TMEM135: variants seen among roughly 807,000 people sequenced by gnomAD.
The protein encoded by TMEM135 is transmembrane protein 135, also known as peroxisomal membrane protein 52.
Under a neutral mutation model 60.3 loss-of-function variants are expected in TMEM135, and 30 were observed. The observed-to-expected ratio is 0.50, with a 90% confidence interval of 0.37 to 0.68. The LOEUF (loss-of-function observed/expected upper bound fraction) is 0.68. TMEM135 is among the 30% of genes least tolerant of loss of function. The pLI is 0.00. For missense variants in TMEM135, 468 were observed against 548.8 expected (o/e 0.85, Z 1.47); for synonymous variants, 190 against 186.7 (o/e 1.02, Z -0.14).
At chr11:87,140,842 G>A (rs1412818638) in intron 4 of TMEM135, among the ~76,000 whole-genome samples, 2 of 152,008 alleles carry the variant, frequency 1.3e-5, no homozygotes, top group African/African-American at 2.4e-5. Context: ...ATATATTTCC[G>A]TTTGGAAATT....
chr11:87,122,150 G>C (rs1937608666), intron 4 of TMEM135, among the ~76,000 whole-genome samples: 2 of 152,048 alleles, frequency 1.3e-5, no homozygotes, highest in South Asian at 4.1e-4. Flanking sequence ...ATCTCTGCTA[G>C]ATATTTTCTG....
chr11:87,319,192 G>T, intron 13 of TMEM135, 118 bp from the exon 14 acceptor site: 1 of 855,132 alleles, frequency 1.2e-6, no homozygotes, highest in Non-Finnish European at 2.0e-6. Context: ...TTATTTGAAG[G>T]CATATTTACA....
chr11:87,214,328 C>A (rs144948083), intron 5 of TMEM135, among the ~76,000 whole-genome samples: 240 of 152,232 alleles, frequency 1.6e-3, no homozygotes, highest in African/African-American at 5.7e-3. Context: ...GCAAAGCAGC[C>A]TTTTTTCAAA....
At chr11:87,071,957 C>T (rs1051418800) in intron 3 of TMEM135, among the ~76,000 whole-genome samples, 6 of 152,024 alleles carry the variant, frequency 3.9e-5, no homozygotes, top group South Asian at 2.1e-4. Context: ...GAGGCTGAGG[C>T]GGGTGGCTCA....
intron 5 of TMEM135, among the ~76,000 whole-genome samples, chr11:87,177,864 A>G (rs935411827): frequency 6.6e-6 from 1 of 152,178 alleles, no homozygotes; most frequent in Non-Finnish European, 1.5e-5. Flanking sequence ...GAGATTCCCA[A>G]ATGTATAGGT....
At chr11:87,126,903 C>G (rs1227636304) in intron 4 of TMEM135, among the ~76,000 whole-genome samples, 2 of 151,856 alleles carry the variant, frequency 1.3e-5, no homozygotes, top group African/African-American at 4.8e-5. Flanking sequence ...TAAACTAGTA[C>G]AGGAAATGGT....
chr11:87,116,760 G>A (rs1283743234), intron 4 of TMEM135, among the ~76,000 whole-genome samples: 1 of 151,598 alleles, frequency 6.6e-6, no homozygotes, highest in Middle Eastern at 3.2e-3. Context: ...ATTATTTTTT[G>A]CTTTTCCAGT....
chr11:87,139,629 G>A (rs1938208862), intron 4 of TMEM135, among the ~76,000 whole-genome samples: 1 of 152,154 alleles, frequency 6.6e-6, no homozygotes, highest in African/African-American at 2.4e-5. Context: ...CTGACAAATT[G>A]TTTTCCAAAC....
At chr11:87,185,280 C>T (rs1262305837) in intron 5 of TMEM135, among the ~76,000 whole-genome samples, 1 of 152,068 alleles carries the variant, frequency 6.6e-6, no homozygotes, top group Non-Finnish European at 1.5e-5. Context: ...AATCAGAATC[C>T]AGATAAGATC....
At chr11:87,044,769 G>A (rs1949780176) in intron 1 of TMEM135, among the ~76,000 whole-genome samples, 1 of 151,906 alleles carries the variant, frequency 6.6e-6, no homozygotes, top group Admixed American at 6.6e-5. Context: ...TCCTGCCTCA[G>A]CCTGCCGAGT....
chr11:87,212,572 A>C (rs1250708213), intron 5 of TMEM135, among the ~76,000 whole-genome samples: 1 of 152,156 alleles, frequency 6.6e-6, no homozygotes, highest in Non-Finnish European at 1.5e-5. Context: ...CTATAATTCC[A>C]GCACTTTGGG....
chr11:87,259,152 TC>T, intron 6 of TMEM135: 1 of 649,222 alleles, frequency 1.5e-6, no homozygotes, highest in Non-Finnish European at 2.8e-6. Context: ...CGACCAGGTC[TC>T]ATCTAGCTTC....
intron 5 of TMEM135, among the ~76,000 whole-genome samples, chr11:87,199,049 G>T (rs1201756644): frequency 1.3e-5 from 2 of 152,172 alleles, no homozygotes; most frequent in Admixed American, 1.3e-4. Flanking sequence ...CTCTGAATTG[G>T]AAACCTAGTA....
intron 5 of TMEM135, 163 bp downstream of exon 5, chr11:87,157,569 A>C: frequency 1.7e-6 from 1 of 598,746 alleles, no homozygotes; most frequent in Non-Finnish European, 2.9e-6. Flanking sequence ...TTTAATTCAT[A>C]GTCATGTTGG....
intron 14 of TMEM135, among the ~76,000 whole-genome samples, chr11:87,320,962 G>A (rs186212285): frequency 2.3e-3 from 348 of 152,188 alleles, no homozygotes; most frequent in Middle Eastern, 0.01. Flanking sequence ...TGCGGTTTCA[G>A]ATCTGGGGAT....
intron 5 of TMEM135, among the ~76,000 whole-genome samples, chr11:87,215,387 A>C (rs1377802805): frequency 2.6e-5 from 4 of 152,192 alleles, no homozygotes; most frequent in African/African-American, 9.6e-5. Flanking sequence ...GCTTAGCTGG[A>C]CAGCTCTTCT....
At chr11:87,181,073 T>C (rs2135302912) in intron 5 of TMEM135, among the ~76,000 whole-genome samples, 1 of 152,226 alleles carries the variant, frequency 6.6e-6, no homozygotes, top group Non-Finnish European at 1.5e-5. Flanking sequence ...GCAAACACTT[T>C]TGAAGTGAAC....
At chr11:87,318,651 A>C (rs796455625) in intron 13 of TMEM135, among the ~76,000 whole-genome samples, 1 of 152,090 alleles carries the variant, frequency 6.6e-6, no homozygotes. Flanking sequence ...AACTAGTTTC[A>C]TATAAGCATT....
chr11:87,122,059 G>A (rs488227), intron 4 of TMEM135, among the ~76,000 whole-genome samples: 72,581 of 151,950 alleles, frequency 0.48, 17,623 homozygotes, highest in East Asian at 0.67. Flanking sequence ...CATCAACAGC[G>A]AAGAGAAGAT....
Sources: allele counts gnomAD v4.1 joint callset (sites outside exome capture counted in the v4.1 genomes callset), GRCh38; gene constraint gnomAD v4.1.1; transcripts MANE v1.5; gene names NCBI Gene and HGNC (gene_info 2026-07-23, HGNC 2026-07-21).